The following CHD4 variants were observed in gnomAD, a reference collection of about 807,000 sequenced individuals.
The protein encoded by CHD4 is ATP-dependent chromatin remodeler CHD4.
A neutral mutation model predicts 235.5 loss-of-function variants in CHD4; 35 were observed. The observed-to-expected ratio is 0.15, with a 90% CI of 0.11 to 0.20. The LOEUF (loss-of-function observed/expected upper bound fraction) is 0.20. CHD4 is among the 10% of genes least tolerant of loss of function. The pLI, the probability that CHD4 is intolerant of heterozygous loss-of-function variation, is 1.00. For missense variants in CHD4, 1,329 were observed against 2,432.3 expected, an observed-to-expected ratio of 0.55 and a Z score of 9.54; for synonymous variants, 900 against 850.2, an observed-to-expected ratio of 1.06 and a Z score of -1.02.
At chr12:6,571,148 T>C (rs1947961394) in intron 38 of CHD4, 116 bp from the exon 39 acceptor site, 1 of 1,208,272 alleles carries the variant, frequency 8.3e-7, no homozygotes, top group African/African-American at 1.5e-5. Flanking sequence ...ATGTATTGTC[T>C]TCTGTCATCT....
intron 10 of CHD4, 53 bp from the exon 11 acceptor site, chr12:6,598,478 G>A: frequency 1.4e-6 from 2 of 1,419,636 alleles, no homozygotes; most frequent in Non-Finnish European, 1.9e-6. Context: ...GGAGGAGAAG[G>A]GACAGCCCAC....
At chr12:6,594,719 T>G in intron 14 of CHD4, 69 bp from the exon 15 acceptor site, 1,374 of 1,160,586 alleles carry the variant, frequency 1.2e-3, no homozygotes, top group Non-Finnish European at 1.5e-3. Context: ...GAGCAGCTGC[T>G]TCCTCCTCAC....
chr12:6,582,023 T>C, intron 30 of CHD4, 114 bp downstream of exon 30: 5 of 1,257,348 alleles, frequency 4.0e-6, no homozygotes, highest in Non-Finnish European at 5.4e-6. Context: ...GGCTAGTCTC[T>C]AACTCCTGAC....
At chr12:6,578,945 TAC>T (rs1489446263) in intron 33 of CHD4, 28 bp from the exon 34 acceptor site, 2 of 1,597,604 alleles carry the variant, frequency 1.3e-6, no homozygotes, top group Admixed American at 3.3e-5. Flanking sequence ...ATTGAGACTA[TAC>T]CTAAAGGAAG....
chr12:6,598,479 G>C (rs1948536572), intron 10 of CHD4, 54 bp from the exon 11 acceptor site: 1 of 1,408,964 alleles, frequency 7.1e-7, no homozygotes, highest in African/African-American at 1.4e-5. Flanking sequence ...GAGGAGAAGG[G>C]ACAGCCCACA....
chr12:6,600,706 GC>G, intron 7 of CHD4, 37 bp from the exon 8 acceptor site: 1 of 1,610,904 alleles, frequency 6.2e-7, no homozygotes, highest in Non-Finnish European at 8.5e-7. Flanking sequence ...AGACGTTCAA[GC>G]CAAGGGGAAG....
At chr12:6,592,997 T>G in intron 17 of CHD4, 94 bp downstream of exon 17, 1 of 1,552,018 alleles carries the variant, frequency 6.4e-7, no homozygotes, top group Non-Finnish European at 8.7e-7. Flanking sequence ...AATTTTCCCC[T>G]CTCCTCTCCA....
At chr12:6,587,258 G>A (rs1206097419) in intron 25 of CHD4, 126 bp downstream of exon 25, 1 of 897,310 alleles carries the variant, frequency 1.1e-6, no homozygotes, top group African/African-American at 1.7e-5. Flanking sequence ...CAAAGGAAGA[G>A]GATCAATTCA....
At chr12:6,570,806 A>C in intron 39 of CHD4, 63 bp downstream of exon 39, 3 of 1,612,128 alleles carry the variant, frequency 1.9e-6, no homozygotes, top group Non-Finnish European at 2.5e-6. Context: ...GACATACAGC[A>C]AAGTTACAAG....
intron 1 of CHD4, chr12:6,606,978 G>C (rs1948714365): frequency 6.7e-6 from 1 of 149,358 alleles, no homozygotes; most frequent in Non-Finnish European, 1.5e-5. Context: ...CGCGGGGGGC[G>C]AAAGCGTCCC....
At position 6,573,273 on chromosome 12, in the gene CHD4, G is replaced by A; in HGVS notation, c.5362-4C>T. 6.4e-7 allele frequency: 1 copy of A among 1,552,862 alleles called. No individual in the cohort carries two copies. Among genetic ancestry groups the A allele is most frequent in the Non-Finnish European group, 8.6e-7 (1 of 1,156,862 alleles). ...TCACCAGAGCTTGTTCTAAGAGCTGGACAAGGGATAAGAGGAAACGGGAGT... is the reference window on the plus strand; with the variant it reads ...TCACCAGAGCTTGTTCTAAGAGCTGAACAAGGGATAAGAGGAAACGGGAGT... On this transcript the variant is annotated splice_region_variant and splice_polypyrimidine_tract_variant and intron_variant, in intron 37 of 39. Coordinates refer to ENST00000544040, the MANE Select transcript of CHD4 (RefSeq NM_001273.5).
intron 10 of CHD4, 106 bp from the exon 11 acceptor site, chr12:6,598,531 C>A (rs1361494653): frequency 5.0e-6 from 5 of 994,648 alleles, no homozygotes; most frequent in Non-Finnish European, 7.3e-6. Context: ...TCATTTCAGA[C>A]CTGGAGCAGT....
intron 6 of CHD4, 31 bp from the exon 7 acceptor site, chr12:6,601,084 A>C (rs761945521): frequency 1.3e-6 from 2 of 1,534,092 alleles, no homozygotes; most frequent in African/African-American, 1.4e-5. Context: ...AATATATACC[A>C]CAAGACCAAA....
chr12:6,601,247 C>A, intron 6 of CHD4, 42 bp downstream of exon 6: 1 of 1,602,198 alleles, frequency 6.2e-7, no homozygotes, highest in Non-Finnish European at 8.5e-7. Context: ...ACATCTTAAG[C>A]CCACACTAGA....
intron 6 of CHD4, 79 bp downstream of exon 6, chr12:6,601,210 C>A (rs1948584237): frequency 2.5e-6 from 4 of 1,570,426 alleles, no homozygotes; most frequent in Middle Eastern, 4.1e-4. Flanking sequence ...TTAGGGCTGA[C>A]AGACCAGCAT....
chr12:6,597,487 G>A (rs1323456992), intron 12 of CHD4, among the ~76,000 whole-genome samples: 1 of 151,408 alleles, frequency 6.6e-6, no homozygotes, highest in African/African-American at 2.4e-5. Context: ...ATAAGGCTGA[G>A]CGTGGTGGCT....
At position 6,581,180 on chromosome 12, in the gene CHD4, AG is replaced by A; in HGVS notation, c.4780-8del. Reference sequence around the variant, plus strand: ...GGGCAGGGGCCTGTGTACACTTCAAAGGAAAAAAAAACAAAAACAAAACAGA... The same window carrying A: ...GGGCAGGGGCCTGTGTACACTTCAAAGAAAAAAAAACAAAAACAAAACAGA... On this transcript the variant is annotated splice_polypyrimidine_tract_variant and splice_region_variant and intron_variant, in intron 32 of 39. Coordinates refer to ENST00000544040, the MANE Select transcript of CHD4 (RefSeq NM_001273.5). 3 of 1,611,172 alleles carry A rather than the reference AG, an allele frequency of 1.9e-6. No individual in the cohort carries two copies. The highest frequency in any genetic ancestry group is 3.3e-4 in the Middle Eastern group (2 of 6,034).
Position 6,597,790 on chromosome 12 carries a change from C to A in CHD4, c.1892+104G>T, listed in dbSNP as rs554383284. The A allele has an allele frequency of 6.5e-5, 67 of 1,038,088 alleles. No individual in the cohort carries two copies. In the Admixed American group the frequency reaches 6.5e-4, roughly 10 times the overall value. 64.3% of individuals were successfully genotyped at this position (1,038,088 alleles called of 1,614,324 possible). ...AAAAACAAAAAACAAACAAAAAAAA[C>A]CAGTGTCTTCCAAGTCTAAGTTACT... On this transcript the variant is annotated intron_variant, in intron 12 of 39. Coordinates refer to ENST00000544040, the MANE Select transcript of CHD4 (RefSeq NM_001273.5).
At chr12:6,589,360 T>C (rs184964881) in intron 22 of CHD4, among the ~76,000 whole-genome samples, 72 of 152,208 alleles carry the variant, frequency 4.7e-4, no homozygotes, top group African/African-American at 1.4e-3. Context: ...ATGGGAACAA[T>C]AGAAACTTTA....
Sources: gnomAD v4.1 joint callset for allele counts (sites outside exome capture counted in the v4.1 genomes callset) on GRCh38, gnomAD v4.1.1 for gene constraint, MANE v1.5 for transcripts, NCBI Gene and HGNC (gene_info 2026-07-23, HGNC 2026-07-21) for gene names.